TENM3: variants seen among roughly 807,000 people sequenced by gnomAD.
TENM3 encodes the protein teneurin transmembrane protein 3, also known as teneurin-3.
TENM3 carries 63 observed loss-of-function variants against 255.1 expected under a neutral mutation model. The observed-to-expected ratio is 0.25, with a 90% CI of 0.20 to 0.30. The LOEUF (loss-of-function observed/expected upper bound fraction) is 0.30, where lower values mean the gene tolerates loss of function less well. Among genes scored for constraint, TENM3 ranks in the 10% least tolerant of loss-of-function variants. TENM3 has a pLI of 1.00. For synonymous variants in TENM3, 1,306 were observed against 1,322.3 expected (o/e 0.99, Z 0.27); for missense variants, 2,929 against 3,461.1 (o/e 0.85, Z 3.86).
chr4:182,580,037 T>TAAATAGTATATAACTAAGGGTG (rs1444658593), intron 3 of TENM3, among the ~76,000 whole-genome samples: 2 of 152,200 alleles, frequency 1.3e-5, no homozygotes, highest in Non-Finnish European at 2.9e-5. Context: ...TCTGTTGTTT[T>TAAATAGTATATAACTAAGGGTG]AAATAGTATA....
chr4:182,633,069 A>G (rs914932617), intron 5 of TENM3, among the ~76,000 whole-genome samples: 1 of 152,072 alleles, frequency 6.6e-6, no homozygotes, highest in African/African-American at 2.4e-5. Context: ...AGCTGGGACT[A>G]CAGGCACACA....
At chr4:182,056,289 T>C in the TENM3 span, among the ~76,000 whole-genome samples, 197 of 152,346 alleles carry the variant, frequency 1.3e-3, 2 homozygotes, top group African/African-American at 4.6e-3. Flanking sequence ...TTTGACATGT[T>C]ATACATTATG....
At chr4:182,313,062 A>G (rs1183264516) in intron 1 of TENM3, among the ~76,000 whole-genome samples, 1 of 152,156 alleles carries the variant, frequency 6.6e-6, no homozygotes, top group African/African-American at 2.4e-5. Context: ...AAATCATAGA[A>G]TATATTCTCA....
chr4:182,671,370 C>A (rs1755199315), intron 6 of TENM3, among the ~76,000 whole-genome samples: 1 of 152,170 alleles, frequency 6.6e-6, no homozygotes, highest in African/African-American at 2.4e-5. Context: ...CTCAACCTAA[C>A]ACCTGTCAAG....
chr4:182,743,711 G>T (rs572609644), intron 19 of TENM3, among the ~76,000 whole-genome samples: 1 of 152,078 alleles, frequency 6.6e-6, no homozygotes, highest in African/African-American at 2.4e-5. Context: ...AATCTCTTTC[G>T]CTTTCTTTAG....
In TENM3 at chr4:182,313,751, C is replaced by A. The variant is rs139287661; in HGVS notation, c.-75-10195C>A. Among the ~76,000 whole-genome samples, 98 of 152,200 alleles carry A rather than the reference C, an allele frequency of 6.4e-4. 2 individuals carry two copies. Among genetic ancestry groups the A allele is most frequent in the African/African-American group, 2.3e-3 (94 of 41,536 alleles). ...TGTTTTCTCTCTCTCAGGAGAGTTT[C>A]CTCTTCACTCAGCTGCTCAAGCCAG... On this transcript the variant is annotated intron_variant, in intron 1 of 27. Transcript: ENST00000511685.
At chr4:182,678,062 G>C (rs1755801743) in intron 7 of TENM3, among the ~76,000 whole-genome samples, 2 of 151,906 alleles carry the variant, frequency 1.3e-5, no homozygotes, top group Admixed American at 1.3e-4. Flanking sequence ...ATAGTACTAT[G>C]GCATATGTTT....
At chr4:182,226,010 CCT>C (rs1245263258) in intron 1 of TENM3, among the ~76,000 whole-genome samples, 1 of 152,050 alleles carries the variant, frequency 6.6e-6, no homozygotes, top group Non-Finnish European at 1.5e-5. Context: ...GGGCAATTAC[CCT>C]GAGTATTTTA....
At chr4:181,766,635 G>C in the TENM3 span, among the ~76,000 whole-genome samples, 138 of 151,324 alleles carry the variant, frequency 9.1e-4, 1 homozygote, top group Non-Finnish European at 1.8e-3. Context: ...TGAAGGGAAA[G>C]AAGTCAAAGA....
the TENM3 span, among the ~76,000 whole-genome samples, chr4:181,758,924 C>T: frequency 6.6e-6 from 1 of 152,160 alleles, no homozygotes; most frequent in Admixed American, 6.6e-5. Context: ...TTTTAGGGAA[C>T]ACATTTAAAA....
the TENM3 span, among the ~76,000 whole-genome samples, chr4:181,556,423 C>A: frequency 9.3e-3 from 1,416 of 151,950 alleles, 31 homozygotes; most frequent in African/African-American, 0.033. Flanking sequence ...GTTTATGAAG[C>A]CTTGACAATA....
At chr4:182,613,234 A>G (rs1749173187) in intron 4 of TENM3, among the ~76,000 whole-genome samples, 2 of 152,210 alleles carry the variant, frequency 1.3e-5, no homozygotes, top group South Asian at 2.1e-4. Context: ...AACTGCCAAC[A>G]ATAGGTGTAA....
At position 182,738,438 on chromosome 4, in the gene TENM3, G is replaced by A; in HGVS notation, c.3273G>A (p.Leu1091=). 1 of 1,613,316 alleles carries A rather than the reference G, an allele frequency of 6.2e-7. No individual in the cohort carries two copies. The highest frequency in any genetic ancestry group is 8.5e-7 in the Non-Finnish European group (1 of 1,179,576). ...ATGAGTATGAGTCGTGTTTGGACCTGACTCTGTGGGAAAAGAGGACTGCCA... is the reference window on the plus strand; with the variant it reads ...ATGAGTATGAGTCGTGTTTGGACCTAACTCTGTGGGAAAAGAGGACTGCCA... ...VGYEYESCLD[L]TLWEKRTAIL... The change falls in exon 18 of 28, where the codon CTG becomes CTA. Residue 1091 remains leucine (L), a synonymous_variant. Transcript: ENST00000511685.
the TENM3 span, among the ~76,000 whole-genome samples, chr4:181,553,303 T>TGTGTGTA: frequency 8.3e-6 from 1 of 120,060 alleles, no homozygotes; most frequent in South Asian, 2.7e-4. Flanking sequence ...GTGTGTAGTG[T>TGTGTGTA]GTGTGTATGT....
At chr4:182,386,835 G>A (rs993628396) in intron 3 of TENM3, among the ~76,000 whole-genome samples, 2 of 152,196 alleles carry the variant, frequency 1.3e-5, no homozygotes, top group Non-Finnish European at 1.5e-5. Flanking sequence ...GCCTTCCCCC[G>A]CCTCCGTGGG....
chr4:181,467,487 T>C, the TENM3 span, among the ~76,000 whole-genome samples: 1 of 151,966 alleles, frequency 6.6e-6, no homozygotes, highest in Non-Finnish European at 1.5e-5. Flanking sequence ...ATCACAAGCA[T>C]ATTATGACAG....
At chr4:182,515,250 G>A (rs969629438) in intron 3 of TENM3, among the ~76,000 whole-genome samples, 1 of 152,126 alleles carries the variant, frequency 6.6e-6, no homozygotes, top group South Asian at 2.1e-4. Flanking sequence ...TATTGATGTG[G>A]GTGACAGTCA....
intron 3 of TENM3, among the ~76,000 whole-genome samples, chr4:182,409,897 C>T (rs902756795): frequency 4.0e-5 from 6 of 151,690 alleles, no homozygotes; most frequent in Admixed American, 6.6e-5. Flanking sequence ...GATCATGGCT[C>T]ACTGCAGCCT....
the TENM3 span, among the ~76,000 whole-genome samples, chr4:182,081,583 CAAAAAAAAA>C: frequency 8.0e-5 from 7 of 87,514 alleles, no homozygotes; most frequent in Non-Finnish European, 1.5e-4. Flanking sequence ...GGCTCTGCCT[CAAAAAAAAA>C]AAAAAAAAAA....
Sources: allele counts gnomAD v4.1 joint callset (sites outside exome capture counted in the v4.1 genomes callset), GRCh38; gene constraint gnomAD v4.1.1; transcripts MANE v1.5; gene names NCBI Gene and HGNC (gene_info 2026-07-23, HGNC 2026-07-21).